Variants in LARP1B observed in about 807,000 individuals in gnomAD.
The protein encoded by LARP1B is la-related protein 1B.
A neutral mutation model predicts 114.2 loss-of-function variants in LARP1B; 76 were observed. The observed-to-expected ratio is 0.67, with a 90% CI of 0.55 to 0.81. The LOEUF is 0.81. Among genes scored for constraint, LARP1B ranks in the 30% least tolerant of loss-of-function variants. The pLI is 0.00. For synonymous variants in LARP1B, 345 were observed against 348.0 expected, an observed-to-expected ratio of 0.99 and a Z score of 0.10; for missense variants, 1,014 against 1,075.8, an observed-to-expected ratio of 0.94 and a Z score of 0.80.
At chr4:128,172,910 T>C (rs972857955) in intron 12 of LARP1B, among the ~76,000 whole-genome samples, 1 of 150,492 alleles carries the variant, frequency 6.6e-6, no homozygotes, top group Non-Finnish European at 1.5e-5. Flanking sequence ...CCTTTTCTTC[T>C]ACAGAGTCTA....
chr4:128,142,926 C>A (rs1288016423), intron 11 of LARP1B, among the ~76,000 whole-genome samples: 1 of 152,162 alleles, frequency 6.6e-6, no homozygotes, highest in Non-Finnish European at 1.5e-5. Context: ...TAACTGTAGT[C>A]ACTCTCTCTT....
intron 11 of LARP1B, among the ~76,000 whole-genome samples, chr4:128,154,781 AT>A (rs1008448492): frequency 2.6e-5 from 4 of 151,956 alleles, no homozygotes; most frequent in East Asian, 1.9e-4. Context: ...ACAAAATTTT[AT>A]TTTTTTTGAG....
Position 128,211,901 on chromosome 4 carries a change from T to G in LARP1B, c.*1848T>G. On this transcript the variant is annotated 3_prime_UTR_variant, in exon 20 of 20. Coordinates refer to ENST00000326639, the MANE Select transcript of LARP1B (RefSeq NM_018078.4). ...ATTAGTAGTTTTATCATATTTTTAT[T>G]ATAAAAGTAATACATGTACATTGGG... 3.2e-6 allele frequency: 1 copy of G among 311,596 alleles called. No individual in the cohort carries two copies. Among genetic ancestry groups the G allele is most frequent in the Non-Finnish European group, 4.7e-6 (1 of 214,122 alleles). The allele number at this position is 311,596 out of a possible 1,614,324, so 19.3% of individuals were successfully genotyped here.
intron 11 of LARP1B, among the ~76,000 whole-genome samples, chr4:128,145,561 CCTCTTCCCTGCATAGA>C (rs1206430351): frequency 6.6e-6 from 1 of 152,178 alleles, no homozygotes; most frequent in Non-Finnish European, 1.5e-5. Context: ...TTATTGCCCC[CCTCTTCCCTGCATAGA>C]TTGTCTCCAG....
chr4:128,185,745 A>G (rs1201582765), intron 15 of LARP1B, among the ~76,000 whole-genome samples: 1 of 152,186 alleles, frequency 6.6e-6, no homozygotes, highest in Non-Finnish European at 1.5e-5. Flanking sequence ...AGCATCTAAC[A>G]CAAAACATCT....
At chr4:128,121,620 C>T (rs1788007263) in intron 10 of LARP1B, among the ~76,000 whole-genome samples, 1 of 152,094 alleles carries the variant, frequency 6.6e-6, no homozygotes, top group African/African-American at 2.4e-5. Flanking sequence ...TAATGTAATC[C>T]TTTCTTTATT....
intron 3 of LARP1B, 59 bp downstream of exon 3, chr4:128,075,052 T>C: frequency 9.1e-7 from 1 of 1,099,748 alleles, no homozygotes. Context: ...CATTTCGACA[T>C]GCAGAATTTT....
At chr4:128,168,079 G>A (rs187906486) in intron 12 of LARP1B, among the ~76,000 whole-genome samples, 77 of 152,180 alleles carry the variant, frequency 5.1e-4, no homozygotes, top group South Asian at 3.1e-3. Flanking sequence ...GCTGCTATGA[G>A]TATCAAGTTG....
chr4:128,179,978 A>G (rs985185101), intron 15 of LARP1B, among the ~76,000 whole-genome samples: 2 of 152,102 alleles, frequency 1.3e-5, no homozygotes, highest in Non-Finnish European at 1.5e-5. Flanking sequence ...TTTTTTTATA[A>G]GAAAGAAGAA....
At chr4:128,079,649 G>A (rs117801568) in intron 4 of LARP1B, among the ~76,000 whole-genome samples, 2,671 of 151,958 alleles carry the variant, frequency 0.018, 65 homozygotes, top group East Asian at 0.11. Flanking sequence ...CTGCAGCCTC[G>A]ATGACCTGGG....
chr4:128,106,638 C>T (rs1048226982), intron 8 of LARP1B, among the ~76,000 whole-genome samples: 2 of 151,552 alleles, frequency 1.3e-5, no homozygotes, highest in Non-Finnish European at 1.5e-5. Context: ...CATACTAGAT[C>T]TGTGATCTTT....
intron 15 of LARP1B, among the ~76,000 whole-genome samples, chr4:128,198,667 T>C (rs951058504): frequency 6.6e-6 from 1 of 152,350 alleles, no homozygotes; most frequent in East Asian, 1.9e-4. Context: ...TTGTAGACTT[T>C]CTAGAAGGTT....
At chr4:128,163,085 T>A (rs532839312) in intron 12 of LARP1B, among the ~76,000 whole-genome samples, 1 of 152,264 alleles carries the variant, frequency 6.6e-6, no homozygotes, top group East Asian at 1.9e-4. Context: ...TCAAATTTCC[T>A]CATTCATCAC....
At chr4:128,118,177 C>T (rs1242735877) in intron 10 of LARP1B, among the ~76,000 whole-genome samples, 1 of 146,874 alleles carries the variant, frequency 6.8e-6, no homozygotes, top group Non-Finnish European at 1.5e-5. Context: ...CCACCCACCT[C>T]GATCTTTCAA....
At chr4:128,160,833 A>C (rs1269845792) in intron 11 of LARP1B, among the ~76,000 whole-genome samples, 1 of 152,226 alleles carries the variant, frequency 6.6e-6, no homozygotes, top group Non-Finnish European at 1.5e-5. Flanking sequence ...AAAAGATCAT[A>C]ATCTAAAAGG....
At chr4:128,061,776 C>G in intron 1 of LARP1B, 1 of 984,890 alleles carries the variant, frequency 1.0e-6, no homozygotes, top group Non-Finnish European at 1.2e-6. Flanking sequence ...TCGCTGTTGG[C>G]CGCGGCGAAC....
At chr4:128,190,581 G>C (rs1751931917) in intron 15 of LARP1B, among the ~76,000 whole-genome samples, 1 of 152,110 alleles carries the variant, frequency 6.6e-6, no homozygotes, top group Non-Finnish European at 1.5e-5. Context: ...TAGTGAGTGA[G>C]TTCTCACAAG....
At chr4:128,098,372 AT>A in intron 8 of LARP1B, 42 bp downstream of exon 8, 2 of 1,548,430 alleles carry the variant, frequency 1.3e-6, no homozygotes, top group South Asian at 2.4e-5. Flanking sequence ...TTCTGCTCAA[AT>A]TTCCTTTGTA....
At chr4:128,112,809 T>C (rs987980498) in intron 9 of LARP1B, among the ~76,000 whole-genome samples, 2 of 152,132 alleles carry the variant, frequency 1.3e-5, no homozygotes, top group African/African-American at 4.8e-5. Flanking sequence ...TTCTAGAGCT[T>C]TTCCTGTTAT....
Sources: allele counts gnomAD v4.1 joint callset (sites outside exome capture counted in the v4.1 genomes callset), GRCh38; gene constraint gnomAD v4.1.1; transcripts MANE v1.5; gene names NCBI Gene and HGNC (gene_info 2026-07-23, HGNC 2026-07-21).